Variants in PRKCA observed in about 807,000 individuals in gnomAD.
PRKCA encodes the protein protein kinase C alpha, also known as protein kinase C alpha type.
In PRKCA, 27 loss-of-function variants were observed where a neutral mutation model predicts 87.0. The observed-to-expected ratio is 0.31, with a 90% confidence interval of 0.23 to 0.43. The LOEUF (loss-of-function observed/expected upper bound fraction) is 0.43. Ranked by LOEUF, PRKCA falls within the 20% of genes least tolerant of loss-of-function variation. PRKCA has a pLI of 1.00. For missense variants in PRKCA, 518 were observed against 852.3 expected (o/e 0.61, Z 4.88); for synonymous variants, 329 against 311.1 (o/e 1.06, Z -0.61).
chr17:66,749,964 A>T (rs563873063), intron 13 of PRKCA, among the ~76,000 whole-genome samples: 1 of 152,264 alleles, frequency 6.6e-6, no homozygotes, highest in African/African-American at 2.4e-5. Flanking sequence ...CAGGTCCCCC[A>T]GACAGCCCCA....
intron 8 of PRKCA, among the ~76,000 whole-genome samples, chr17:66,719,346 A>T (rs1973556549): frequency 6.6e-6 from 1 of 152,252 alleles, no homozygotes. Context: ...ATCTGATTCT[A>T]TCTGTATCAC....
intron 3 of PRKCA, among the ~76,000 whole-genome samples, chr17:66,612,079 A>T (rs1011348199): frequency 7.7e-5 from 4 of 51,802 alleles, no homozygotes; most frequent in Non-Finnish European, 1.2e-4. Context: ...TTGTGAGTAA[A>T]AAAAAAAAAA....
chr17:66,447,975 T>C (rs1463888051), intron 2 of PRKCA, among the ~76,000 whole-genome samples: 1 of 152,196 alleles, frequency 6.6e-6, no homozygotes, highest in African/African-American at 2.4e-5. Context: ...TTTTTCTGCT[T>C]CTGTCGGGCA....
chr17:66,577,748 A>G (rs961281351), intron 3 of PRKCA, among the ~76,000 whole-genome samples: 1 of 152,172 alleles, frequency 6.6e-6, no homozygotes, highest in African/African-American at 2.4e-5. Context: ...GGAGAGGTCC[A>G]CAGCATGAGT....
At position 66,423,110 on chromosome 17, in the gene PRKCA, T is replaced by C. The variant is rs1912582913; in HGVS notation, c.206-73091T>C. 2.0e-5 allele frequency among the ~76,000 whole-genome samples: 3 copies of C among 147,454 alleles called. No homozygotes were observed. In the South Asian group the frequency reaches 6.6e-4, roughly 32 times the overall value. ...TGGGTGATAAAAGCGAGACCTTGTC[T>C]CAAAAAAAAAAAGTATTATTGCAGA... On this transcript the variant is annotated intron_variant, in intron 2 of 16. Transcript: ENST00000413366.
chr17:66,595,898 T>A (rs189315823), intron 3 of PRKCA, among the ~76,000 whole-genome samples: 74 of 152,280 alleles, frequency 4.9e-4, no homozygotes, highest in African/African-American at 1.7e-3. Flanking sequence ...ACCGATCCCA[T>A]GTTGTGTTGA....
At chr17:66,737,342 A>G (rs897135578) in intron 10 of PRKCA, among the ~76,000 whole-genome samples, 9 of 152,164 alleles carry the variant, frequency 5.9e-5, no homozygotes, top group African/African-American at 9.7e-5. Flanking sequence ...CAGCCTGGGC[A>G]ACAGAGCAAG....
intron 8 of PRKCA, among the ~76,000 whole-genome samples, chr17:66,704,949 G>A (rs929821788): frequency 2.0e-5 from 3 of 152,052 alleles, no homozygotes; most frequent in Admixed American, 6.6e-5. Context: ...TCCAGTTGGG[G>A]GAAAAATAAA....
chr17:66,313,516 G>A (rs1905171621), intron 2 of PRKCA, among the ~76,000 whole-genome samples: 1 of 152,144 alleles, frequency 6.6e-6, no homozygotes, highest in African/African-American at 2.4e-5. Context: ...CAAGCATCAA[G>A]AATAAATCTT....
chr17:66,549,884 A>AGGGGG (rs1036541150), intron 3 of PRKCA, among the ~76,000 whole-genome samples: 1 of 152,166 alleles, frequency 6.6e-6, no homozygotes, highest in Non-Finnish European at 1.5e-5. Context: ...CAAGAAGTGA[A>AGGGGG]GGGGGTTAAG....
In PRKCA at chr17:66,804,228, CT is replaced by C. The variant is rs1975973191; in HGVS notation, c.*193del. The C allele has an allele frequency of 1.4e-6, 1 of 727,066 alleles. No individual in the cohort carries two copies. The highest frequency in any genetic ancestry group is 1.8e-5 in the African/African-American group (1 of 56,392). 45.0% of individuals were successfully genotyped at this position (727,066 alleles called of 1,614,324 possible). ...TCTCTCTTACAACCAAGAACATTATCTTAGTGGAAGATGGTACGTCATGCTC... is the reference window on the plus strand; with the variant it reads ...TCTCTCTTACAACCAAGAACATTATCTAGTGGAAGATGGTACGTCATGCTC... On this transcript the variant is annotated 3_prime_UTR_variant, in exon 17 of 17. Transcript: ENST00000413366.
At chr17:66,428,927 C>T (rs777473433) in intron 2 of PRKCA, among the ~76,000 whole-genome samples, 4 of 152,310 alleles carry the variant, frequency 2.6e-5, no homozygotes, top group Middle Eastern at 3.4e-3. Context: ...TAAGCATATA[C>T]TACCTGAAGA....
chr17:66,333,484 T>C (rs1017101248), intron 2 of PRKCA, among the ~76,000 whole-genome samples: 1 of 152,202 alleles, frequency 6.6e-6, no homozygotes, highest in Non-Finnish European at 1.5e-5. Flanking sequence ...TTGAAGCACA[T>C]GTTTGTATGC....
intron 3 of PRKCA, among the ~76,000 whole-genome samples, chr17:66,580,807 C>T (rs987866251): frequency 1.3e-5 from 2 of 152,166 alleles, no homozygotes; most frequent in African/African-American, 2.4e-5. Flanking sequence ...CTGCACTCCT[C>T]GTGAAGGTAA....
intron 2 of PRKCA, among the ~76,000 whole-genome samples, chr17:66,495,507 G>A (rs1916430194): frequency 1.8e-5 from 2 of 112,132 alleles, no homozygotes; most frequent in South Asian, 5.4e-4. Context: ...TTAGTGTGTT[G>A]CTATAGGATG....
intron 3 of PRKCA, among the ~76,000 whole-genome samples, chr17:66,612,692 T>A (rs973457775): frequency 2.0e-5 from 3 of 151,714 alleles, no homozygotes; most frequent in African/African-American, 7.2e-5. Flanking sequence ...GAGATTCATA[T>A]GTGCAATTGA....
intron 3 of PRKCA, among the ~76,000 whole-genome samples, chr17:66,563,953 T>TCCTTCCTTCCTTCCTG (rs2143329250): frequency 3.4e-5 from 1 of 29,484 alleles, no homozygotes; most frequent in African/African-American, 1.3e-4. Context: ...GTTTCTTCTT[T>TCCTTCCTTCCTTCCTG]CCTTCCTTCC....
chr17:66,716,303 AG>A (rs1410235416), intron 8 of PRKCA, among the ~76,000 whole-genome samples: 1 of 152,156 alleles, frequency 6.6e-6, no homozygotes, highest in Admixed American at 6.5e-5. Context: ...GTAATTCCAA[AG>A]GGGAGCATTC....
intron 2 of PRKCA, among the ~76,000 whole-genome samples, chr17:66,375,218 A>C (rs1909356233): frequency 1.3e-5 from 2 of 152,190 alleles, no homozygotes; most frequent in Non-Finnish European, 2.9e-5. Flanking sequence ...ACAGTTGAAA[A>C]TGAAATCAGT....
Sources: allele counts gnomAD v4.1 joint callset (sites outside exome capture counted in the v4.1 genomes callset), GRCh38; gene constraint gnomAD v4.1.1; transcripts MANE v1.5; gene names NCBI Gene and HGNC (gene_info 2026-07-23, HGNC 2026-07-21).